The following ELAVL4 variants were observed in gnomAD, a reference collection of about 807,000 sequenced individuals.
ELAVL4 encodes ELAV like RNA binding protein 4, also known as ELAV-like protein 4.
A neutral mutation model predicts 35.6 loss-of-function variants in ELAVL4; 1 was observed. The observed-to-expected ratio is 0.03, with a 90% confidence interval of 0.01 to 0.13. The LOEUF (loss-of-function observed/expected upper bound fraction) is 0.13. ELAVL4 is among the 10% of genes least tolerant of loss of function. The pLI, the probability that ELAVL4 is intolerant of heterozygous loss-of-function variation, is 1.00. For missense variants in ELAVL4, 267 were observed against 464.9 expected (o/e 0.57, Z 3.91); for synonymous variants, 156 against 171.0 (o/e 0.91, Z 0.69).
At chr1:50,103,925 T>C, upstream of ELAVL4, 2 of 1,613,688 alleles carry the variant, frequency 1.2e-6, no homozygotes, top group South Asian at 2.2e-5. Flanking sequence ...ACTTGGAGTT[T>C]TGTGCTGTTG....
Position 50,053,313 on chromosome 1 carries a change from A to G in ELAVL4, c.18+5131A>G, listed in dbSNP as rs145905114. ...TGCTCATGTCTCTGAGCCTCCTACAACCATTTCAGATGACTGATGGATGAT... is the reference window on the plus strand; with the variant it reads ...TGCTCATGTCTCTGAGCCTCCTACAGCCATTTCAGATGACTGATGGATGAT... On this transcript the variant is annotated intron_variant, in intron 1 of 6. Coordinates refer to the ELAVL4 transcript ENST00000448907. Among the ~76,000 whole-genome samples the G allele has an allele frequency of 6.2e-3, 941 of 152,084 alleles. 17 individuals carry two copies. Among genetic ancestry groups the G allele is most frequent in the African/African-American group, 0.022 (908 of 41,488 alleles).
At chr1:50,119,504 T>G (rs1022748647) in intron 1 of ELAVL4, among the ~76,000 whole-genome samples, 1 of 152,062 alleles carries the variant, frequency 6.6e-6, no homozygotes, top group African/African-American at 2.4e-5. Context: ...TCATCCATAT[T>G]TAGGTCAATA....
chr1:50,123,736 C>T (rs771125454), intron 1 of ELAVL4, among the ~76,000 whole-genome samples: 1 of 152,044 alleles, frequency 6.6e-6, no homozygotes, highest in Non-Finnish European at 1.5e-5. Flanking sequence ...AGAACTGCAC[C>T]ACGGTGTTCC....
At chr1:50,109,574 TG>T in intron 1 of ELAVL4, 1 of 373,718 alleles carries the variant, frequency 2.7e-6, no homozygotes, top group Non-Finnish European at 4.9e-6. Flanking sequence ...TTTGTGGGGC[TG>T]GGGGTGGATG....
In ELAVL4 at chr1:50,109,015, T is replaced by TCGGGGG. The variant is rs2148527109; in HGVS notation, c.-174_-173insGGGGGC. The TCGGGGG allele has an allele frequency of 4.1e-5, 39 of 960,616 alleles. No individual in the cohort carries two copies. Among genetic ancestry groups the TCGGGGG allele is most frequent in the Non-Finnish European group, 4.7e-5 (38 of 816,528 alleles). 59.5% of individuals were successfully genotyped at this position (960,616 alleles called of 1,614,324 possible). A position where few individuals can be genotyped will look rare whatever the true frequency, so the allele number is the denominator to read the frequency against. ...GCTCCTTTTCTTTTTTTTCTTTCTC[T>TCGGGGG]CCCCCGCCCACCCCCCCAAAAATAA... is the stretch of plus-strand genomic sequence containing the variant. On this transcript the variant is annotated 5_prime_UTR_variant, in exon 1 of 7. Coordinates refer to ENST00000371824, the MANE Select transcript of ELAVL4 (RefSeq NM_001144774.3).
chr1:50,051,644 T>C (rs1215671716), intron 1 of ELAVL4, among the ~76,000 whole-genome samples: 1 of 152,216 alleles, frequency 6.6e-6, no homozygotes, highest in East Asian at 1.9e-4. Context: ...TCTTACTTAA[T>C]GTGGAATGAC....
At chr1:50,136,173 A>G (rs1046425283) in intron 1 of ELAVL4, among the ~76,000 whole-genome samples, 2 of 152,120 alleles carry the variant, frequency 1.3e-5, no homozygotes, top group Non-Finnish European at 2.9e-5. Context: ...CATTTTTAGT[A>G]TCTTTTAAGG....
chr1:50,093,699 A>G (rs1665592291), intron 1 of ELAVL4, among the ~76,000 whole-genome samples: 1 of 152,204 alleles, frequency 6.6e-6, no homozygotes, highest in Non-Finnish European at 1.5e-5. Context: ...CACTAATTCA[A>G]CACTTACTTA....
At chr1:50,062,165 A>G (rs1282651628) in intron 1 of ELAVL4, among the ~76,000 whole-genome samples, 1 of 152,198 alleles carries the variant, frequency 6.6e-6, no homozygotes, top group Non-Finnish European at 1.5e-5. Flanking sequence ...TGCTAGAAGT[A>G]TATAGATGAA....
chr1:50,193,755 CT>C lies in ELAVL4; in HGVS notation c.355-6del. On this transcript the variant is annotated splice_polypyrimidine_tract_variant and intron_variant, in intron 3 of 6. Transcript: ENST00000371824. ...CTATAATGGAATTAGCTCCTCTTGCCTTTTCCTAGGTCTCATATGCCCGTCC... is the reference window on the plus strand; with the variant it reads ...CTATAATGGAATTAGCTCCTCTTGCCTTTCCTAGGTCTCATATGCCCGTCC... The C allele has an allele frequency of 6.2e-7, 1 of 1,611,170 alleles. No individual in the cohort carries two copies. The highest frequency in any genetic ancestry group is 1.7e-5 in the Admixed American group (1 of 59,390).
intron 2 of ELAVL4, among the ~76,000 whole-genome samples, chr1:50,162,469 A>G (rs1396362651): frequency 1.3e-5 from 2 of 152,216 alleles, no homozygotes; most frequent in Non-Finnish European, 2.9e-5. Context: ...TTTATGCCAC[A>G]TGATGAGTAC....
At chr1:50,048,145 C>A in exon 1 of ELAVL4, 4 of 1,519,816 alleles carry the variant, frequency 2.6e-6, no homozygotes, top group South Asian at 2.5e-5. Flanking sequence ...AGCCTCGGGC[C>A]GGATCGCCCG....
chr1:50,087,358 C>T (rs1665292545), intron 1 of ELAVL4, among the ~76,000 whole-genome samples: 1 of 152,184 alleles, frequency 6.6e-6, no homozygotes, highest in African/African-American at 2.4e-5. Flanking sequence ...TTCATGTCTT[C>T]CACTCTAGTA....
intron 1 of ELAVL4, among the ~76,000 whole-genome samples, chr1:50,093,520 G>A (rs1557698008): frequency 6.6e-6 from 1 of 152,174 alleles, no homozygotes. Context: ...TTGGTCATAG[G>A]TAATGTGACC....
At chr1:50,175,105 TG>T (rs1370614778) in intron 2 of ELAVL4, among the ~76,000 whole-genome samples, 2 of 152,160 alleles carry the variant, frequency 1.3e-5, no homozygotes, top group Non-Finnish European at 1.5e-5. Context: ...CAGCTCAACT[TG>T]GTGAATGTTT....
At chr1:50,189,518 T>TAAAGTGGTAAAAG (rs1315539301) in intron 3 of ELAVL4, among the ~76,000 whole-genome samples, 17 of 152,218 alleles carry the variant, frequency 1.1e-4, no homozygotes, top group African/African-American at 3.9e-4. Flanking sequence ...TTCATGTCAG[T>TAAAGTGGTAAAAG]AAAGTGGTAA....
chr1:50,080,124 G>A (rs1664942194), intron 1 of ELAVL4, among the ~76,000 whole-genome samples: 1 of 152,098 alleles, frequency 6.6e-6, no homozygotes, highest in African/African-American at 2.4e-5. Flanking sequence ...ATTCCATACA[G>A]TCTCAGAGAA....
At position 50,203,130 on chromosome 1, in the gene ELAVL4, T is replaced by C. The variant is rs1644450660; in HGVS notation, c.*1952T>C. 6.6e-6 allele frequency: 1 copy of C among 152,242 alleles called. No homozygotes were observed. Among genetic ancestry groups the C allele is most frequent in the East Asian group, 1.9e-4 (1 of 5,200 alleles). The allele number at this position is 152,242 out of a possible 1,614,324, so 9.4% of individuals were successfully genotyped here. ...TCTAGTTGATAGTTAAATTTGCTAT[T>C]GCTTTTCTTGTCTTGTTATATAAAA... On this transcript the variant is annotated 3_prime_UTR_variant, in exon 7 of 7. Coordinates refer to ENST00000371824, the MANE Select transcript of ELAVL4 (RefSeq NM_001144774.3).
intron 3 of ELAVL4, among the ~76,000 whole-genome samples, chr1:50,182,434 C>G (rs1393049270): frequency 6.6e-6 from 1 of 152,172 alleles, no homozygotes; most frequent in African/African-American, 2.4e-5. Context: ...ACTGCTGGCT[C>G]TGCCTCCAGA....
Sources: gnomAD v4.1 joint callset for allele counts (sites outside exome capture counted in the v4.1 genomes callset) on GRCh38, gnomAD v4.1.1 for gene constraint, MANE v1.5 for transcripts, NCBI Gene and HGNC (gene_info 2026-07-23, HGNC 2026-07-21) for gene names.